The following ZPBP variants were observed in gnomAD, a reference collection of about 807,000 sequenced individuals.
ZPBP encodes the protein zona pellucida binding protein, also known as zona pellucida-binding protein 1.
A neutral mutation model predicts 44.8 loss-of-function variants in ZPBP; 26 were observed. That is an observed-to-expected ratio of 0.58 (90% CI 0.43 to 0.81). ZPBP has a LOEUF of 0.81. Ranked by LOEUF, ZPBP falls within the 30% of genes least tolerant of loss-of-function variation. ZPBP has a pLI of 0.00. For missense variants in ZPBP, 409 were observed against 434.0 expected (o/e 0.94, Z 0.51); for synonymous variants, 174 against 153.2 (o/e 1.14, Z -1.00).
At chr7:49,994,028 A>G (rs1797691210) in intron 6 of ZPBP, among the ~76,000 whole-genome samples, 1 of 152,166 alleles carries the variant, frequency 6.6e-6, no homozygotes. Context: ...CTCTTCTCCA[A>G]ATATCTTTGT....
intron 2 of ZPBP, among the ~76,000 whole-genome samples, chr7:49,852,397 A>G (rs1014257523): frequency 6.6e-6 from 1 of 152,134 alleles, no homozygotes; most frequent in African/African-American, 2.4e-5. Context: ...CTGTTCACTC[A>G]TCTCCTTAAC....
intron 3 of ZPBP, among the ~76,000 whole-genome samples, chr7:50,067,252 T>C (rs1254206713): frequency 6.6e-6 from 1 of 152,208 alleles, no homozygotes; most frequent in Non-Finnish European, 1.5e-5. Flanking sequence ...TTGCAGCACA[T>C]CACAACCACC....
intron 7 of ZPBP, among the ~76,000 whole-genome samples, chr7:49,977,736 T>C: frequency 1.3e-5 from 2 of 152,220 alleles, no homozygotes; most frequent in South Asian, 2.1e-4. Flanking sequence ...TAATCCATAA[T>C]AATCAGTGGC....
chr7:49,853,418 G>C (rs537828405), intron 2 of ZPBP, among the ~76,000 whole-genome samples: 37 of 152,270 alleles, frequency 2.4e-4, no homozygotes, highest in African/African-American at 8.2e-4. Flanking sequence ...TATCTGTTCT[G>C]TGCCAGGAGC....
intron 7 of ZPBP, among the ~76,000 whole-genome samples, chr7:49,950,980 A>G (rs1795318456): frequency 6.6e-6 from 1 of 151,846 alleles, no homozygotes; most frequent in Admixed American, 6.6e-5. Context: ...CAAGGATACC[A>G]AAACAATGAA....
At chr7:50,013,042 CA>C (rs1301217715) in intron 6 of ZPBP, among the ~76,000 whole-genome samples, 2 of 151,874 alleles carry the variant, frequency 1.3e-5, no homozygotes, top group Admixed American at 6.6e-5. Flanking sequence ...AAATCCCCCA[CA>C]AAAAACTTAG....
In ZPBP at chr7:49,883,820, A is replaced by G. The variant is rs568417833; in HGVS notation, n.509+17298T>C. Among the ~76,000 whole-genome samples, 14 of 152,354 alleles carry G rather than the reference A, an allele frequency of 9.2e-5. No homozygotes were observed. In the South Asian group the frequency reaches 2.7e-3, roughly 29 times the overall value. The stretch of plus-strand genomic sequence containing the variant: ...CAGTTAAAATCAATGAACAGAGCCT[A>G]ATTCATAGACATACCCTAGTGAATG... On this transcript the variant is annotated intron_variant and non_coding_transcript_variant, in intron 2 of 2. Transcript: ENST00000465922.
At chr7:49,944,662 T>C (rs1013308275) in intron 7 of ZPBP, among the ~76,000 whole-genome samples, 1 of 152,168 alleles carries the variant, frequency 6.6e-6, no homozygotes, top group Non-Finnish European at 1.5e-5. Context: ...GGCATATAGT[T>C]GCTCCTAGAA....
chr7:49,895,658 A>C (rs1792350458), intron 2 of ZPBP, among the ~76,000 whole-genome samples: 1 of 152,188 alleles, frequency 6.6e-6, no homozygotes, highest in African/African-American at 2.4e-5. Flanking sequence ...TCAGTAATTA[A>C]TTATCAGCCA....
chr7:50,043,921 G>A (rs1292329942), intron 4 of ZPBP, among the ~76,000 whole-genome samples: 5 of 152,050 alleles, frequency 3.3e-5, no homozygotes, highest in African/African-American at 1.2e-4. Context: ...GAAGTAAAAT[G>A]TTCCTCAGCA....
At chr7:50,057,409 TAGTC>T (rs966230276) in intron 4 of ZPBP, among the ~76,000 whole-genome samples, 2 of 152,190 alleles carry the variant, frequency 1.3e-5, no homozygotes, top group South Asian at 2.1e-4. Context: ...CAAAAACTCT[TAGTC>T]TGTAAGAGTG....
intron 1 of ZPBP, chr7:49,920,127 T>G (rs1793954676): frequency 6.6e-6 from 1 of 152,118 alleles, no homozygotes; most frequent in Non-Finnish European, 1.5e-5. Flanking sequence ...AAGGAGACAT[T>G]AATTTGGATA....
intron 2 of ZPBP, among the ~76,000 whole-genome samples, chr7:49,885,397 TA>T (rs1202863123): frequency 6.6e-6 from 1 of 152,084 alleles, no homozygotes; most frequent in Non-Finnish European, 1.5e-5. Context: ...ATTATGTTCA[TA>T]AAAATTAAGA....
chr7:49,870,395 G>T (rs1009045251), intron 2 of ZPBP, among the ~76,000 whole-genome samples: 12 of 152,210 alleles, frequency 7.9e-5, no homozygotes, highest in Middle Eastern at 3.4e-3. Context: ...GTGAGACTCC[G>T]TCTCAAAAAA....
intron 4 of ZPBP, among the ~76,000 whole-genome samples, chr7:50,042,323 A>G (rs966930119): frequency 6.6e-6 from 1 of 152,198 alleles, no homozygotes; most frequent in Admixed American, 6.5e-5. Flanking sequence ...AAATACAAAG[A>G]GCACCACAAA....
At chr7:49,940,426 T>A (rs568450724) in intron 7 of ZPBP, among the ~76,000 whole-genome samples, 29 of 152,182 alleles carry the variant, frequency 1.9e-4, no homozygotes, top group African/African-American at 7.0e-4. Flanking sequence ...ACTAATGGCT[T>A]TTTTTGTTGA....
chr7:50,084,948 T>C (rs1802561471), intron 2 of ZPBP, among the ~76,000 whole-genome samples: 1 of 152,078 alleles, frequency 6.6e-6, no homozygotes, highest in South Asian at 2.1e-4. Flanking sequence ...AGAAAACATT[T>C]ATTCTAGAAA....
chr7:50,047,065 T>C (rs1800407665), intron 4 of ZPBP, among the ~76,000 whole-genome samples: 1 of 152,244 alleles, frequency 6.6e-6, no homozygotes, highest in South Asian at 2.1e-4. Flanking sequence ...AAACACTGCA[T>C]GTTCTCACTC....
chr7:49,914,857 G>A (rs1002632810), intron 1 of ZPBP: 1 of 152,100 alleles, frequency 6.6e-6, no homozygotes, highest in Non-Finnish European at 1.5e-5. Flanking sequence ...GGGGGCCTCA[G>A]AATTCAAGTA....
Sources: gnomAD v4.1 joint callset for allele counts (sites outside exome capture counted in the v4.1 genomes callset) on GRCh38, gnomAD v4.1.1 for gene constraint, MANE v1.5 for transcripts, NCBI Gene and HGNC (gene_info 2026-07-23, HGNC 2026-07-21) for gene names.